The following ASZ1 variants were observed in gnomAD, a reference collection of about 807,000 sequenced individuals.
ASZ1 encodes ankyrin repeat, SAM and basic leucine zipper domain-containing protein 1.
A neutral mutation model predicts 61.8 loss-of-function variants in ASZ1; 67 were observed. The observed-to-expected ratio is 1.08, with a 90% confidence interval of 0.89 to 1.33. The LOEUF (loss-of-function observed/expected upper bound fraction) is 1.33, where lower values mean the gene tolerates loss of function less well. Ranked by LOEUF, ASZ1 falls within the 40% of genes most tolerant of loss-of-function variation. ASZ1 has a pLI of 0.00. For missense variants in ASZ1, 577 were observed against 554.5 expected (o/e 1.04, Z -0.41); for synonymous variants, 193 against 192.7 (o/e 1.00, Z -0.01).
intron 8 of ASZ1, among the ~76,000 whole-genome samples, chr7:117,381,735 T>C (rs1468938398): frequency 6.6e-6 from 1 of 152,106 alleles, no homozygotes; most frequent in African/African-American, 2.4e-5. Context: ...AGAGCAAGAA[T>C]CTGATACCAG....
chr7:117,390,998 G>A (rs189728240), intron 4 of ASZ1, among the ~76,000 whole-genome samples: 6 of 152,156 alleles, frequency 3.9e-5, no homozygotes, highest in East Asian at 3.9e-4. Context: ...CACTGTGCCC[G>A]GCCTGACTTT....
intron 9 of ASZ1, among the ~76,000 whole-genome samples, chr7:117,380,773 G>A (rs527448471): frequency 1.5e-5 from 2 of 130,324 alleles, no homozygotes; most frequent in Non-Finnish European, 3.1e-5. Context: ...TAGCTGTCAT[G>A]ACAATCTGAA....
chr7:117,399,239 G>A (rs1353308407), intron 4 of ASZ1, among the ~76,000 whole-genome samples: 2 of 152,026 alleles, frequency 1.3e-5, no homozygotes, highest in Non-Finnish European at 1.5e-5. Context: ...AAAACTGAAC[G>A]AAGCTGAAAC....
chr7:117,412,039 A>AGTGTGTGTGTATGTAT, intron 4 of ASZ1, among the ~76,000 whole-genome samples: 1 of 128,446 alleles, frequency 7.8e-6, no homozygotes, highest in East Asian at 2.5e-4. Flanking sequence ...AGTGAAAAGA[A>AGTGTGTGTGTATGTAT]GTGTGTGTGT....
intron 4 of ASZ1, among the ~76,000 whole-genome samples, chr7:117,409,026 G>A (rs983494970): frequency 6.6e-6 from 1 of 152,040 alleles, no homozygotes; most frequent in African/African-American, 2.4e-5. Context: ...ATTATATAAT[G>A]TTTATGGATG....
chr7:117,392,285 T>G (rs1202630567), intron 4 of ASZ1, among the ~76,000 whole-genome samples: 1 of 152,228 alleles, frequency 6.6e-6, no homozygotes, highest in East Asian at 1.9e-4. Flanking sequence ...TCAGCAATGC[T>G]TTTCAGTTCT....
intron 9 of ASZ1, among the ~76,000 whole-genome samples, chr7:117,380,557 G>C (rs17139762): frequency 0.023 from 3,452 of 151,490 alleles, 128 homozygotes; most frequent in African/African-American, 0.079. Flanking sequence ...TTTTACATAT[G>C]CTATTTATCA....
Position 117,367,481 on chromosome 7 carries a change from A to G in ASZ1, c.1162-16T>C. On this transcript the variant is annotated splice_polypyrimidine_tract_variant and intron_variant, in intron 11 of 12. Transcript: ENST00000284629. The stretch of plus-strand genomic sequence containing the variant: ...CCAGTGTTATCTGTTAATATTTTCA[A>G]AAGTTCAACATTAAATAATGGAAAT... 1.4e-6 allele frequency: 2 copies of G among 1,471,976 alleles called. No homozygotes were observed. Among genetic ancestry groups the G allele is most frequent in the Non-Finnish European group, 1.8e-6 (2 of 1,108,280 alleles). The allele number at this position is 1,471,976 out of a possible 1,614,324, so 91.2% of individuals were successfully genotyped here.
chr7:117,381,608 C>A (rs1273433756), intron 8 of ASZ1, among the ~76,000 whole-genome samples: 1 of 152,034 alleles, frequency 6.6e-6, no homozygotes, highest in Non-Finnish European at 1.5e-5. Flanking sequence ...CTTAAAACAC[C>A]CACACAGTGC....
chr7:117,377,671 G>C (rs1392135746), intron 10 of ASZ1, among the ~76,000 whole-genome samples: 1 of 152,004 alleles, frequency 6.6e-6, no homozygotes, highest in Non-Finnish European at 1.5e-5. Flanking sequence ...TCTCAGAAAG[G>C]TTTTTTGTAG....
At chr7:117,404,925 A>T (rs535194207) in intron 4 of ASZ1, among the ~76,000 whole-genome samples, 1 of 152,094 alleles carries the variant, frequency 6.6e-6, no homozygotes, top group South Asian at 2.1e-4. Context: ...CATCCCATTG[A>T]CAGAGAAACC....
intron 10 of ASZ1, among the ~76,000 whole-genome samples, chr7:117,376,488 A>G (rs1796138642): frequency 6.6e-6 from 1 of 152,120 alleles, no homozygotes; most frequent in Non-Finnish European, 1.5e-5. Context: ...CAGACAAAAT[A>G]CAAAAAGGAA....
intron 4 of ASZ1, among the ~76,000 whole-genome samples, chr7:117,416,014 A>T (rs1796984543): frequency 6.6e-6 from 1 of 152,192 alleles, no homozygotes; most frequent in Non-Finnish European, 1.5e-5. Context: ...AACATGGTGA[A>T]ACCCCATCTC....
chr7:117,420,043 G>T, intron 4 of ASZ1, 120 bp downstream of exon 4: 1 of 636,250 alleles, frequency 1.6e-6, no homozygotes, highest in South Asian at 2.4e-5. Flanking sequence ...ATGACCTTAT[G>T]AACTATTTTC....
intron 8 of ASZ1, among the ~76,000 whole-genome samples, chr7:117,381,856 TG>T (rs1288224412): frequency 6.6e-6 from 1 of 152,152 alleles, no homozygotes; most frequent in African/African-American, 2.4e-5. Context: ...GGGTAAAAAC[TG>T]TTTAATCTCA....
chr7:117,401,983 T>G (rs1161592140), intron 4 of ASZ1, among the ~76,000 whole-genome samples: 3 of 152,208 alleles, frequency 2.0e-5, no homozygotes, highest in Non-Finnish European at 4.4e-5. Flanking sequence ...TTATCATGTT[T>G]TTTTTGAGTG....
intron 4 of ASZ1, among the ~76,000 whole-genome samples, chr7:117,390,267 C>T (rs1796439408): frequency 6.6e-6 from 1 of 151,900 alleles, no homozygotes; most frequent in South Asian, 2.1e-4. Flanking sequence ...CCTCCCAAGC[C>T]CAAGCAATTC....
intron 4 of ASZ1, among the ~76,000 whole-genome samples, chr7:117,399,910 C>T (rs192098786): frequency 1.6e-4 from 25 of 152,236 alleles, no homozygotes; most frequent in African/African-American, 5.1e-4. Flanking sequence ...ATAAAGTTTA[C>T]GTACATGATG....
In ASZ1 at chr7:117,387,312, A is replaced by G. The variant is rs7800758; in HGVS notation, c.441-1503T>C. 5.3e-3 allele frequency among the ~76,000 whole-genome samples: 670 copies of G among 127,412 alleles called. 5 individuals are homozygous for G. Among genetic ancestry groups the G allele is most frequent in the African/African-American group, 0.032 (644 of 20,432 alleles). 83.6% of individuals were successfully genotyped at this position (127,412 alleles called of 152,430 possible). ...AACCAGAGTGAGACCCTGTCTCAAC[A>G]ACAACAACAACAACAACAACAACAA... On this transcript the variant is annotated intron_variant, in intron 4 of 12. Coordinates refer to ENST00000284629, the MANE Select transcript of ASZ1 (RefSeq NM_130768.3).
Sources: allele counts gnomAD v4.1 joint callset (sites outside exome capture counted in the v4.1 genomes callset), GRCh38; gene constraint gnomAD v4.1.1; transcripts MANE v1.5; gene names NCBI Gene and HGNC (gene_info 2026-07-23, HGNC 2026-07-21).